Variants in MTHFD2L observed in about 807,000 individuals in gnomAD.
The protein encoded by MTHFD2L is bifunctional methylenetetrahydrofolate dehydrogenase/cyclohydrolase 2, mitochondrial.
Under a neutral mutation model 34.9 loss-of-function variants are expected in MTHFD2L, and 29 were observed. The observed-to-expected ratio is 0.83, with a 90% CI of 0.62 to 1.13. The LOEUF is 1.13. MTHFD2L is among the 50% of genes most tolerant of loss of function. The probability of loss-of-function intolerance (pLI) is 0.00; values close to 1 mark genes in which losing one functional copy is unlikely to be tolerated. For synonymous variants in MTHFD2L, 167 were observed against 155.7 expected (o/e 1.07, Z -0.54); for missense variants, 481 against 446.5 (o/e 1.08, Z -0.70).
chr4:74,157,604 C>A (rs1030571666), upstream of MTHFD2L: 9 of 454,490 alleles, frequency 2.0e-5, no homozygotes, highest in Middle Eastern at 3.3e-4. Context: ...TCCAGACCTT[C>A]CTTGTTCAGC....
intron 1 of MTHFD2L, among the ~76,000 whole-genome samples, chr4:74,148,546 C>G (rs772124707): frequency 7.9e-5 from 12 of 151,928 alleles, no homozygotes; most frequent in Non-Finnish European, 1.6e-4. Flanking sequence ...TGCCACCATA[C>G]CCAGCCAATT....
chr4:74,245,351 A>T (rs1269693019), intron 6 of MTHFD2L, among the ~76,000 whole-genome samples: 1 of 151,974 alleles, frequency 6.6e-6, no homozygotes, highest in Non-Finnish European at 1.5e-5. Context: ...TTTAACATGT[A>T]ATAGACATAT....
chr4:74,165,483 G>T (rs1229377231), intron 1 of MTHFD2L, among the ~76,000 whole-genome samples: 1 of 151,994 alleles, frequency 6.6e-6, no homozygotes, highest in African/African-American at 2.4e-5. Context: ...TCAACCTCCC[G>T]AGTAGCTGGG....
intron 1 of MTHFD2L, among the ~76,000 whole-genome samples, chr4:74,166,394 C>T (rs1726710261): frequency 6.6e-6 from 1 of 152,164 alleles, no homozygotes; most frequent in South Asian, 2.1e-4. Flanking sequence ...GTCTCTGTGT[C>T]TTCTCTTGTA....
intron 1 of MTHFD2L, among the ~76,000 whole-genome samples, chr4:74,171,913 A>G (rs1367889358): frequency 1.5e-5 from 2 of 135,876 alleles, no homozygotes; most frequent in Non-Finnish European, 3.2e-5. Context: ...GAACCCGAAT[A>G]TCCATTAATT....
intron 7 of MTHFD2L, among the ~76,000 whole-genome samples, chr4:74,299,311 C>T (rs1750004727): frequency 6.6e-6 from 1 of 151,538 alleles, no homozygotes; most frequent in Non-Finnish European, 1.5e-5. Flanking sequence ...TAGTGCTTTA[C>T]AAATATATGA....
chr4:74,223,274 G>A (rs538677216), intron 5 of MTHFD2L, among the ~76,000 whole-genome samples: 1 of 151,860 alleles, frequency 6.6e-6, no homozygotes, highest in Non-Finnish European at 1.5e-5. Context: ...CACACACCAT[G>A]GAATACTATG....
intron 1 of MTHFD2L, among the ~76,000 whole-genome samples, chr4:74,173,398 T>TA (rs1490589755): frequency 6.6e-6 from 1 of 152,188 alleles, no homozygotes; most frequent in Non-Finnish European, 1.5e-5. Context: ...TGTGGAAACT[T>TA]ACTCCATTAG....
chr4:74,180,623 G>C (rs1263585430), intron 3 of MTHFD2L: 1 of 380,566 alleles, frequency 2.6e-6, no homozygotes, highest in Non-Finnish European at 5.7e-6. Flanking sequence ...AAAGAAATGA[G>C]ATAGAATTCT....
intron 7 of MTHFD2L, among the ~76,000 whole-genome samples, chr4:74,299,766 C>T (rs1360627607): frequency 6.6e-6 from 1 of 151,988 alleles, no homozygotes; most frequent in Non-Finnish European, 1.5e-5. Context: ...AAAACAACCA[C>T]CACAATGACT....
At chr4:74,196,926 A>G (rs1733581065) in intron 3 of MTHFD2L, among the ~76,000 whole-genome samples, 2 of 151,204 alleles carry the variant, frequency 1.3e-5, no homozygotes, top group South Asian at 2.1e-4. Flanking sequence ...AGCCTGGGGA[A>G]CAGAATGAGA....
chr4:74,116,022 G>A (rs915797722), intron 2 of MTHFD2L, among the ~76,000 whole-genome samples: 5 of 152,124 alleles, frequency 3.3e-5, no homozygotes, highest in African/African-American at 1.2e-4. Flanking sequence ...GGAGGGGTTT[G>A]TTTTGTCTAG....
chr4:74,299,503 C>G (rs1750034213), intron 7 of MTHFD2L, among the ~76,000 whole-genome samples: 1 of 151,816 alleles, frequency 6.6e-6, no homozygotes, highest in Non-Finnish European at 1.5e-5. Context: ...AGAAAAGGTC[C>G]TGGAAGGCAT....
intron 3 of MTHFD2L, chr4:74,183,787 A>G (rs1292720184): frequency 1.5e-5 from 2 of 135,614 alleles, no homozygotes; most frequent in Admixed American, 8.6e-5. Context: ...TATATTATTC[A>G]TGTATATATA....
chr4:74,122,059 G>A (rs1380986327), upstream of MTHFD2L, among the ~76,000 whole-genome samples: 1 of 151,992 alleles, frequency 6.6e-6, no homozygotes, highest in Non-Finnish European at 1.5e-5. Context: ...AGCAGCCCTA[G>A]CAAACTAATA....
At position 74,277,154 on chromosome 4, in the gene MTHFD2L, ATT is replaced by A. The variant is rs11444615; in HGVS notation, c.806-4257_806-4256del. Among the ~76,000 whole-genome samples, 667 of 145,422 alleles carry A rather than the reference ATT, an allele frequency of 4.6e-3. 3 individuals carry two copies. Among genetic ancestry groups the A allele is most frequent in the African/African-American group, 0.014 (546 of 39,552 alleles). On this transcript the variant is annotated intron_variant, in intron 6 of 7. Coordinates refer to ENST00000325278, the MANE Select transcript of MTHFD2L (RefSeq NM_001144978.3). ...CACTCACACAAATCAGCCAAAGCAGATTTTTTTTTTTTTTTCACAGATATGCA... is the reference window on the plus strand; with the variant it reads ...CACTCACACAAATCAGCCAAAGCAGATTTTTTTTTTTTTCACAGATATGCA...
chr4:74,273,537 A>T (rs1387870908), intron 6 of MTHFD2L, among the ~76,000 whole-genome samples: 2 of 152,272 alleles, frequency 1.3e-5, no homozygotes, highest in Non-Finnish European at 2.9e-5. Context: ...TTGAAATTTT[A>T]TTCCTTTATG....
At chr4:74,260,697 T>C (rs1342954449) in intron 6 of MTHFD2L, among the ~76,000 whole-genome samples, 1 of 152,132 alleles carries the variant, frequency 6.6e-6, no homozygotes, top group African/African-American at 2.4e-5. Flanking sequence ...TTTCATTCAA[T>C]TTATAAAACT....
chr4:74,228,938 G>A (rs536130599), intron 6 of MTHFD2L, among the ~76,000 whole-genome samples: 6 of 152,218 alleles, frequency 3.9e-5, no homozygotes, highest in African/African-American at 1.4e-4. Flanking sequence ...TAGCCAAGTT[G>A]GCCATACACC....
Sources: allele counts gnomAD v4.1 joint callset (sites outside exome capture counted in the v4.1 genomes callset), GRCh38; gene constraint gnomAD v4.1.1; transcripts MANE v1.5; gene names NCBI Gene and HGNC (gene_info 2026-07-23, HGNC 2026-07-21).